Variants in ARHGAP10 observed in about 807,000 individuals in gnomAD.
The protein encoded by ARHGAP10 is rho GTPase-activating protein 10.
A neutral mutation model predicts 108.6 loss-of-function variants in ARHGAP10; 87 were observed. That is an observed-to-expected ratio of 0.80 (90% CI 0.67 to 0.96). The LOEUF (loss-of-function observed/expected upper bound fraction) is 0.96. Ranked by LOEUF, ARHGAP10 falls within the 40% of genes least tolerant of loss-of-function variation. ARHGAP10 has a pLI of 0.00. For missense variants in ARHGAP10, 939 were observed against 954.5 expected (o/e 0.98, Z 0.21); for synonymous variants, 347 against 341.1 (o/e 1.02, Z -0.19).
rs563390355 is a variant in ARHGAP10, at chr4:147,796,460, C to T, written c.155-26267C>T. 7.2e-5 allele frequency among the ~76,000 whole-genome samples: 11 copies of T among 152,238 alleles called. No individual in the cohort carries two copies. The South Asian group carries it at 2.1e-3, about 29-fold the overall frequency. On this transcript the variant is annotated intron_variant, in intron 1 of 22. Coordinates refer to ENST00000336498, the MANE Select transcript of ARHGAP10 (RefSeq NM_024605.4). ...ACGGAGCTTCCTCTTAGAGGAGGTA[C>T]ATAATTCCTCCTCAGTCTGGTACCC...
At chr4:148,058,804 C>T (rs145215764) in intron 20 of ARHGAP10, among the ~76,000 whole-genome samples, 2 of 152,374 alleles carry the variant, frequency 1.3e-5, no homozygotes, top group African/African-American at 4.8e-5. Flanking sequence ...TTTGGCCCCA[C>T]TGCTGCACGT....
intron 15 of ARHGAP10, among the ~76,000 whole-genome samples, chr4:147,950,607 A>G (rs1738562626): frequency 6.6e-6 from 1 of 152,228 alleles, no homozygotes; most frequent in South Asian, 2.1e-4. Context: ...GCACCAAACT[A>G]AAACAAGAAG....
At chr4:147,858,366 C>T (rs1317445178) in intron 5 of ARHGAP10, 3 of 151,870 alleles carry the variant, frequency 2.0e-5, no homozygotes, top group Non-Finnish European at 4.4e-5. Flanking sequence ...GTTTTTTTAA[C>T]ACATAAGGAA....
intron 8 of ARHGAP10, among the ~76,000 whole-genome samples, chr4:147,876,056 A>G (rs1323621973): frequency 6.6e-6 from 1 of 152,126 alleles, no homozygotes; most frequent in Non-Finnish European, 1.5e-5. Context: ...ATCCGACCTA[A>G]AAATTTAGTG....
At chr4:147,904,290 G>C (rs1736366210) in intron 10 of ARHGAP10, among the ~76,000 whole-genome samples, 1 of 151,896 alleles carries the variant, frequency 6.6e-6, no homozygotes, top group Non-Finnish European at 1.5e-5. Context: ...GTGCAGGTTA[G>C]TTACATATGT....
At chr4:148,049,016 T>C (rs1004603862) in intron 20 of ARHGAP10, among the ~76,000 whole-genome samples, 1 of 152,088 alleles carries the variant, frequency 6.6e-6, no homozygotes, top group African/African-American at 2.4e-5. Flanking sequence ...ATTTATTTTT[T>C]TCTGTGCCAT....
intron 8 of ARHGAP10, among the ~76,000 whole-genome samples, chr4:147,878,888 T>G (rs1735203167): frequency 6.7e-6 from 1 of 149,434 alleles, no homozygotes; most frequent in African/African-American, 2.5e-5. Context: ...ACCATTCTCC[T>G]GCCTCAGCCT....
At chr4:147,818,852 A>G (rs1226094891) in intron 1 of ARHGAP10, among the ~76,000 whole-genome samples, 3 of 152,240 alleles carry the variant, frequency 2.0e-5, no homozygotes. Context: ...TTACATTTAT[A>G]ATTATTAAAA....
chr4:148,064,890 A>C lies in ARHGAP10; in HGVS notation c.2272+383A>C, dbSNP rs73853718. Reference sequence around the variant, plus strand: ...TCCTTTAAATGCTTCGGGTTTACCAACTCTGAGTCAACAGAGGATACTACT... The same window carrying C: ...TCCTTTAAATGCTTCGGGTTTACCACCTCTGAGTCAACAGAGGATACTACT... On this transcript the variant is annotated intron_variant, in intron 22 of 22. Coordinates refer to ENST00000336498, the MANE Select transcript of ARHGAP10 (RefSeq NM_024605.4). 3.8e-3 allele frequency among the ~76,000 whole-genome samples: 573 copies of C among 152,286 alleles called. 2 individuals are homozygous for C. Among genetic ancestry groups the C allele is most frequent in the African/African-American group, 0.013 (554 of 41,540 alleles).
At chr4:147,936,093 C>T (rs1560834147) in intron 13 of ARHGAP10, among the ~76,000 whole-genome samples, 1 of 152,164 alleles carries the variant, frequency 6.6e-6, no homozygotes, top group Non-Finnish European at 1.5e-5. Context: ...GCTTCTACCA[C>T]TGAGGTCAAA....
At chr4:147,854,055 T>G (rs190986250) in intron 4 of ARHGAP10, among the ~76,000 whole-genome samples, 226 of 152,344 alleles carry the variant, frequency 1.5e-3, no homozygotes, top group Middle Eastern at 3.4e-3. Context: ...TTGGGGTTCT[T>G]AGGTTCTTCT....
chr4:147,877,929 C>T (rs1448457617), intron 8 of ARHGAP10, among the ~76,000 whole-genome samples: 1 of 149,722 alleles, frequency 6.7e-6, no homozygotes, highest in African/African-American at 2.5e-5. Context: ...TTAAGCCAGA[C>T]AATACCAATG....
In ARHGAP10 at chr4:147,946,684, T is replaced by C. The variant is rs1221366390; in HGVS notation, c.1371T>C (p.Ser457=). 6.2e-7 allele frequency: 1 copy of C among 1,611,470 alleles called. No homozygotes were observed. The highest frequency in any genetic ancestry group is 8.5e-7 in the Non-Finnish European group (1 of 1,179,144). ...SADWEVKTIT[S]ALKQYLRSLP... ...ATTGGGAAGTGAAGACAATAACAAG[T>C]GCCTTGAAACAGTATTTGAGGTAAG... The change falls in exon 15 of 23, where the codon AGT becomes AGC. Residue 457 remains serine, a synonymous_variant. Coordinates refer to ENST00000336498, the MANE Select transcript of ARHGAP10 (RefSeq NM_024605.4).
intron 14 of ARHGAP10, among the ~76,000 whole-genome samples, chr4:147,944,245 C>T (rs1361864055): frequency 1.3e-5 from 2 of 152,158 alleles, no homozygotes; most frequent in South Asian, 4.1e-4. Flanking sequence ...AATTTGATTT[C>T]TTGAATGTAT....
At chr4:147,741,385 G>A (rs1728651105) in intron 1 of ARHGAP10, among the ~76,000 whole-genome samples, 1 of 152,178 alleles carries the variant, frequency 6.6e-6, no homozygotes, top group Non-Finnish European at 1.5e-5. Context: ...AGGACTATAT[G>A]AGAACTGGTT....
intron 1 of ARHGAP10, among the ~76,000 whole-genome samples, chr4:147,788,596 C>T (rs964969759): frequency 5.3e-5 from 8 of 152,192 alleles, no homozygotes; most frequent in African/African-American, 1.9e-4. Context: ...GCAGGTTCCT[C>T]CATTAACCTC....
chr4:148,007,767 C>T (rs894320515), intron 18 of ARHGAP10, among the ~76,000 whole-genome samples: 1 of 152,176 alleles, frequency 6.6e-6, no homozygotes, highest in Non-Finnish European at 1.5e-5. Flanking sequence ...GGGTCAAATA[C>T]AAGGTTTACA....
At chr4:148,024,043 C>G (rs1028336377) in intron 19 of ARHGAP10, among the ~76,000 whole-genome samples, 48 of 152,216 alleles carry the variant, frequency 3.2e-4, no homozygotes, top group African/African-American at 1.1e-3. Flanking sequence ...CCAGATTGCC[C>G]AGTTTTTACA....
At chr4:148,007,754 C>G (rs539698159) in intron 18 of ARHGAP10, among the ~76,000 whole-genome samples, 6 of 152,160 alleles carry the variant, frequency 3.9e-5, no homozygotes, top group Admixed American at 3.9e-4. Flanking sequence ...GTTTTAACCT[C>G]TGGGGTCAAA....
Sources: gnomAD v4.1 joint callset for allele counts (sites outside exome capture counted in the v4.1 genomes callset) on GRCh38, gnomAD v4.1.1 for gene constraint, MANE v1.5 for transcripts, NCBI Gene and HGNC (gene_info 2026-07-23, HGNC 2026-07-21) for gene names.